MAF: variants seen among roughly 807,000 people sequenced by gnomAD.
MAF encodes MAF bZIP transcription factor, also known as transcription factor Maf.
Under a neutral mutation model 22.0 loss-of-function variants are expected in MAF, and 10 were observed. The observed-to-expected ratio is 0.45, with a 90% CI of 0.28 to 0.77. MAF has a LOEUF of 0.77. Among genes scored for constraint, MAF ranks in the 30% least tolerant of loss-of-function variants. MAF has a pLI of 0.12. For missense variants in MAF, 544 were observed against 548.4 expected (o/e 0.99, Z 0.08); for synonymous variants, 337 against 255.8 (o/e 1.32, Z -3.03).
At chr16:79,365,581 G>GT in the MAF span, among the ~76,000 whole-genome samples, 55 of 150,518 alleles carry the variant, frequency 3.7e-4, 1 homozygote, top group Admixed American at 3.3e-3. Flanking sequence ...GTTTGTGTTT[G>GT]TTTTTTTTTT....
chr16:79,408,089 A>AAAAAC, the MAF span, among the ~76,000 whole-genome samples: 1 of 149,334 alleles, frequency 6.7e-6, no homozygotes, highest in South Asian at 2.1e-4. Context: ...AAAAAAAAAA[A>AAAAAC]AAAAAAAAAA....
chr16:79,436,446 C>A, the MAF span, among the ~76,000 whole-genome samples: 1 of 152,234 alleles, frequency 6.6e-6, no homozygotes, highest in African/African-American at 2.4e-5. Context: ...TACTGTGCAT[C>A]AGACATGTGC....
the MAF span, among the ~76,000 whole-genome samples, chr16:79,295,388 G>C: frequency 6.6e-6 from 1 of 152,160 alleles, no homozygotes; most frequent in South Asian, 2.1e-4. Flanking sequence ...GAGCGAAAAG[G>C]GAAAGTGATG....
chr16:79,237,529 A>G, the MAF span, among the ~76,000 whole-genome samples: 2 of 152,080 alleles, frequency 1.3e-5, no homozygotes. Flanking sequence ...TTCTTCTGGC[A>G]TAGAGGGTGA....
the MAF span, among the ~76,000 whole-genome samples, chr16:79,329,743 A>G: frequency 6.6e-6 from 1 of 152,214 alleles, no homozygotes; most frequent in Admixed American, 6.5e-5. Flanking sequence ...AAACTGTACT[A>G]TTCTTATTGA....
chr16:79,480,197 C>G, the MAF span, among the ~76,000 whole-genome samples: 2 of 152,098 alleles, frequency 1.3e-5, no homozygotes, highest in African/African-American at 4.8e-5. Context: ...CTCGTTGGAG[C>G]TAGTCTGTTG....
At chr16:79,363,419 C>A in the MAF span, among the ~76,000 whole-genome samples, 1 of 152,132 alleles carries the variant, frequency 6.6e-6, no homozygotes, top group African/African-American at 2.4e-5. Context: ...CTTCAATTAG[C>A]CTACAGTTGG....
the MAF span, among the ~76,000 whole-genome samples, chr16:79,533,028 A>G: frequency 3.9e-5 from 6 of 152,254 alleles, no homozygotes; most frequent in African/African-American, 1.4e-4. Flanking sequence ...TAATTTTTAT[A>G]CGATGACTAA....
the MAF span, among the ~76,000 whole-genome samples, chr16:79,530,853 A>C: frequency 3.3e-5 from 5 of 152,152 alleles, no homozygotes; most frequent in African/African-American, 1.2e-4. Flanking sequence ...GGGTGGAAGG[A>C]ATGGAAATGA....
the MAF span, among the ~76,000 whole-genome samples, chr16:79,273,931 T>C: frequency 6.7e-6 from 1 of 148,898 alleles, no homozygotes; most frequent in Non-Finnish European, 1.5e-5. Context: ...AGCTGGGTTC[T>C]AGGTACTTCG....
the MAF span, among the ~76,000 whole-genome samples, chr16:79,482,783 C>A: frequency 6.6e-6 from 1 of 151,816 alleles, no homozygotes; most frequent in South Asian, 2.1e-4. Context: ...AGTGGGGAAT[C>A]TGGCAGCTTC....
At chr16:79,468,317 G>A in the MAF span, among the ~76,000 whole-genome samples, 3 of 152,200 alleles carry the variant, frequency 2.0e-5, no homozygotes, top group East Asian at 1.9e-4. Flanking sequence ...CCGGCCAGAC[G>A]GCACTGGGGG....
the MAF span, among the ~76,000 whole-genome samples, chr16:79,467,495 A>G: frequency 8.7e-4 from 132 of 152,340 alleles, no homozygotes; most frequent in African/African-American, 3.0e-3. Context: ...TGAGGCATAG[A>G]GAAATCGAGT....
the MAF span, among the ~76,000 whole-genome samples, chr16:79,429,453 C>A: frequency 1.3e-5 from 2 of 152,168 alleles, no homozygotes; most frequent in African/African-American, 2.4e-5. Context: ...TGAGGAGCGC[C>A]GTGCCTCCCT....
At chr16:79,429,341 G>C in the MAF span, among the ~76,000 whole-genome samples, 1 of 152,170 alleles carries the variant, frequency 6.6e-6, no homozygotes, top group Non-Finnish European at 1.5e-5. Flanking sequence ...ACAAAGCAGA[G>C]GACCGACGGA....
At chr16:79,539,975 AT>A in the MAF span, among the ~76,000 whole-genome samples, 2 of 152,150 alleles carry the variant, frequency 1.3e-5, no homozygotes, top group East Asian at 1.9e-4. Context: ...TAACAAAAAA[AT>A]ATATATATAA....
the MAF span, among the ~76,000 whole-genome samples, chr16:79,242,509 C>T: frequency 1.3e-5 from 2 of 151,870 alleles, no homozygotes; most frequent in South Asian, 4.1e-4. Context: ...GATAACTATC[C>T]TAAATATATA....
the MAF span, among the ~76,000 whole-genome samples, chr16:79,289,350 T>C: frequency 5.9e-5 from 9 of 151,848 alleles, no homozygotes; most frequent in African/African-American, 2.2e-4. Context: ...TGAGGTTAAA[T>C]TGGTGGGTCT....
chr16:79,383,228 G>T, the MAF span, among the ~76,000 whole-genome samples: 1 of 152,124 alleles, frequency 6.6e-6, no homozygotes, highest in Non-Finnish European at 1.5e-5. Context: ...ACTGGGGTGG[G>T]GGCAGGGTGG....
Sources: gnomAD v4.1 joint callset for allele counts (sites outside exome capture counted in the v4.1 genomes callset) on GRCh38, gnomAD v4.1.1 for gene constraint, MANE v1.5 for transcripts, NCBI Gene and HGNC (gene_info 2026-07-23, HGNC 2026-07-21) for gene names.